RBFOX1: variants seen among roughly 807,000 people sequenced by gnomAD.
RBFOX1 encodes RNA binding fox-1 homolog 1.
In RBFOX1, 8 loss-of-function variants were observed where a neutral mutation model predicts 57.7. The observed-to-expected ratio is 0.14, with a 90% CI of 0.08 to 0.25. The LOEUF (loss-of-function observed/expected upper bound fraction) is 0.25. Among genes scored for constraint, RBFOX1 ranks in the 10% least tolerant of loss-of-function variants. The pLI is 1.00. For synonymous variants in RBFOX1, 326 were observed against 222.4 expected (o/e 1.47, Z -4.15); for missense variants, 611 against 548.5 (o/e 1.11, Z -1.14).
intron 3 of RBFOX1, among the ~76,000 whole-genome samples, chr16:6,886,101 C>T (rs2063966859): frequency 6.9e-6 from 1 of 145,630 alleles, no homozygotes; most frequent in African/African-American, 2.6e-5. Context: ...CTCGCTCTGT[C>T]ACCAGGCTGG....
chr16:7,639,729 A>G (rs1280436952), intron 11 of RBFOX1, among the ~76,000 whole-genome samples: 1 of 152,138 alleles, frequency 6.6e-6, no homozygotes, highest in Non-Finnish European at 1.5e-5. Context: ...AGGTGAATTA[A>G]GTGTCCCTAT....
Position 6,530,982 on chromosome 16 carries a change from G to T in RBFOX1, c.-63-123621G>T, listed in dbSNP as rs887698404. On this transcript the variant is annotated intron_variant, in intron 2 of 15. Coordinates refer to ENST00000550418, the MANE Select transcript of RBFOX1 (RefSeq NM_018723.4). ...AAAACCCCAATCACCTCCCTTCCTG[G>T]TGTCTGTTCCAACCATGCATCGCAC... Among the ~76,000 whole-genome samples, 8 of 152,250 alleles carry T rather than the reference G, an allele frequency of 5.3e-5. No individual in the cohort carries two copies. The East Asian group carries it at 1.5e-3, about 29-fold the overall frequency.
chr16:7,242,130 A>G (rs1302264837), intron 4 of RBFOX1, among the ~76,000 whole-genome samples: 1 of 152,150 alleles, frequency 6.6e-6, no homozygotes, highest in Admixed American at 6.5e-5. Context: ...ACCCCTGCTT[A>G]TTGCTTGGCA....
At chr16:7,395,310 G>C (rs1010741851) in intron 4 of RBFOX1, among the ~76,000 whole-genome samples, 2 of 152,214 alleles carry the variant, frequency 1.3e-5, no homozygotes, top group African/African-American at 4.8e-5. Context: ...GGAGAATGCA[G>C]AAGTCATCAC....
chr16:6,541,325 C>T (rs2096814420), intron 2 of RBFOX1, among the ~76,000 whole-genome samples: 1 of 152,170 alleles, frequency 6.6e-6, no homozygotes, highest in Non-Finnish European at 1.5e-5. Context: ...GGCATTCATT[C>T]ATTCATGTAA....
chr16:7,542,965 A>G lies in RBFOX1; in HGVS notation c.270+24576A>G, dbSNP rs570764776. On this transcript the variant is annotated intron_variant, in intron 5 of 15. Coordinates refer to ENST00000550418, the MANE Select transcript of RBFOX1 (RefSeq NM_018723.4). ...AAGAAAGGCAAGTGACATTACAACT[A>G]TAGGTACTGACATTTGAGGCTGTGT... 2.0e-5 allele frequency among the ~76,000 whole-genome samples: 3 copies of G among 152,298 alleles called. No individual in the cohort carries two copies. In the South Asian group the frequency reaches 6.2e-4, roughly 32 times the overall value.
intron 2 of RBFOX1, among the ~76,000 whole-genome samples, chr16:6,459,961 G>A (rs911723825): frequency 2.0e-5 from 2 of 100,230 alleles, no homozygotes; most frequent in African/African-American, 3.7e-5. Context: ...TCCAGCCCGG[G>A]CAACAAGAGT....
intron 14 of RBFOX1, among the ~76,000 whole-genome samples, chr16:7,680,989 G>C (rs1206819530): frequency 6.6e-6 from 1 of 151,960 alleles, no homozygotes; most frequent in African/African-American, 2.4e-5. Flanking sequence ...AAGAGACCAG[G>C]GCTTGTTAAT....
At chr16:5,683,312 G>A (rs939841996) in intron 3 of RBFOX1, among the ~76,000 whole-genome samples, 2 of 152,144 alleles carry the variant, frequency 1.3e-5, no homozygotes, top group Non-Finnish European at 2.9e-5. Flanking sequence ...CAGAGCATTT[G>A]TAACCTCCCT....
At chr16:7,417,592 C>G (rs899370155) in intron 4 of RBFOX1, among the ~76,000 whole-genome samples, 4 of 151,284 alleles carry the variant, frequency 2.6e-5, no homozygotes, top group African/African-American at 9.8e-5. Context: ...ACCCATGTAG[C>G]CTCCTGTGAT....
chr16:6,394,101 A>G (rs1051600637), intron 2 of RBFOX1, among the ~76,000 whole-genome samples: 1 of 152,226 alleles, frequency 6.6e-6, no homozygotes, highest in African/African-American at 2.4e-5. Flanking sequence ...CCACTGCTTC[A>G]AACAGGGCAC....
chr16:5,296,559 TAAAAA>T lies in RBFOX1; in HGVS notation c.219+56463_219+56467del, dbSNP rs529106351. Among the ~76,000 whole-genome samples, 3 of 149,390 alleles carry T rather than the reference TAAAAA, an allele frequency of 2.0e-5. No homozygotes were observed. The South Asian group carries it at 6.4e-4, about 32-fold the overall frequency. On this transcript the variant is annotated intron_variant, in intron 1 of 2. Coordinates refer to the RBFOX1 transcript ENST00000585867. ...TCAATAGAGGAATTTATTTTTTAAT[TAAAAA>T]AAAAAAAATTTTTTTTTAACAATAG...
intron 3 of RBFOX1, among the ~76,000 whole-genome samples, chr16:6,946,038 C>T (rs576316285): frequency 1.3e-5 from 2 of 152,334 alleles, no homozygotes; most frequent in South Asian, 4.1e-4. Context: ...ACAGATGCTT[C>T]ACTGGAAATG....
At chr16:7,322,462 G>A (rs2096557918) in intron 4 of RBFOX1, among the ~76,000 whole-genome samples, 1 of 152,348 alleles carries the variant, frequency 6.6e-6, no homozygotes, top group South Asian at 2.1e-4. Context: ...AAGGGATTTT[G>A]ACTTTGCGCA....
At chr16:7,189,283 G>A (rs1027513707) in intron 4 of RBFOX1, among the ~76,000 whole-genome samples, 7 of 151,648 alleles carry the variant, frequency 4.6e-5, no homozygotes, top group Non-Finnish European at 7.4e-5. Context: ...AAAATTAGCC[G>A]GGCGTGGTGG....
Position 7,350,576 on chromosome 16 carries a change from A to T in RBFOX1, c.28-167571A>T, listed in dbSNP as rs192001134. ...TCTGGAAAGTGGGAGGAGGATGGAC[A>T]AATAATCTTTAGTGGGACAAGATGC... On this transcript the variant is annotated intron_variant, in intron 4 of 15. Transcript: ENST00000550418. Among the ~76,000 whole-genome samples, 8 of 152,326 alleles carry T rather than the reference A, an allele frequency of 5.3e-5. No individual in the cohort carries two copies. In the East Asian group the frequency reaches 1.5e-3, roughly 29 times the overall value.
chr16:6,955,067 C>CA (rs748874364), intron 3 of RBFOX1, among the ~76,000 whole-genome samples: 10,006 of 93,696 alleles, frequency 0.11, 508 homozygotes, highest in African/African-American at 0.2. Flanking sequence ...CCCATCTCTA[C>CA]AAAAAAAAAA....
At chr16:6,847,010 G>T (rs1011076165) in intron 3 of RBFOX1, among the ~76,000 whole-genome samples, 23 of 152,094 alleles carry the variant, frequency 1.5e-4, no homozygotes, top group African/African-American at 5.6e-4. Flanking sequence ...GGGGAAAAGG[G>T]GAAGGTGTTA....
chr16:7,354,809 G>A (rs188382309), intron 4 of RBFOX1, among the ~76,000 whole-genome samples: 1 of 152,236 alleles, frequency 6.6e-6, no homozygotes, highest in Non-Finnish European at 1.5e-5. Context: ...AGCTACATGT[G>A]GTTTGTGTTG....
Sources: allele counts gnomAD v4.1 joint callset (sites outside exome capture counted in the v4.1 genomes callset), GRCh38; gene constraint gnomAD v4.1.1; transcripts MANE v1.5; gene names NCBI Gene and HGNC (gene_info 2026-07-23, HGNC 2026-07-21).